GNPTG: variants seen among roughly 807,000 people sequenced by gnomAD.
GNPTG encodes the protein N-acetylglucosamine-1-phosphate transferase subunit gamma, also known as N-acetylglucosamine-1-phosphotransferase subunit gamma.
GNPTG carries 46 observed loss-of-function variants against 43.8 expected under a neutral mutation model. The observed-to-expected ratio is 1.05, with a 90% CI of 0.83 to 1.34. The LOEUF (loss-of-function observed/expected upper bound fraction) is 1.34. Among genes scored for constraint, GNPTG ranks in the 40% most tolerant of loss-of-function variants. The pLI, the probability that GNPTG is intolerant of heterozygous loss-of-function variation, is 0.00. For synonymous variants in GNPTG, 250 were observed against 172.8 expected (o/e 1.45, Z -3.50); for missense variants, 549 against 411.3 (o/e 1.33, Z -2.90).
chr16:1,362,918 G>T lies in GNPTG; in HGVS notation c.823+12G>T. 6.2e-7 allele frequency: 1 copy of T among 1,614,108 alleles called. No individual in the cohort carries two copies. Among genetic ancestry groups the T allele is most frequent in the South Asian group, 1.1e-5 (1 of 91,088 alleles). On this transcript the variant is annotated intron_variant, in intron 10 of 10. Coordinates refer to ENST00000204679, the MANE Select transcript of GNPTG (RefSeq NM_032520.5). Reference sequence around the variant, plus strand: ...CACGAGGCCCACAGGTGAGTCACCTGTGGGGAGAGGGCCAGGCTCACCATC... The same window carrying T: ...CACGAGGCCCACAGGTGAGTCACCTTTGGGGAGAGGGCCAGGCTCACCATC...
intron 3 of GNPTG, among the ~76,000 whole-genome samples, chr16:1,355,115 ATGGTC>A: frequency 6.7e-6 from 1 of 148,948 alleles, no homozygotes; most frequent in Non-Finnish European, 1.5e-5. Flanking sequence ...TCGGGTGTGG[ATGGTC>A]TCCCGCCTCT....
intron 3 of GNPTG, 123 bp downstream of exon 3, chr16:1,352,429 A>G: frequency 1.0e-6 from 1 of 972,714 alleles, no homozygotes; most frequent in Non-Finnish European, 1.6e-6. Context: ...TCAGCCTTCT[A>G]AAATTAATGT....
intron 3 of GNPTG, among the ~76,000 whole-genome samples, chr16:1,360,364 C>T (rs1346886539): frequency 6.6e-6 from 1 of 152,214 alleles, no homozygotes; most frequent in African/African-American, 2.4e-5. Context: ...GTGGCTCACA[C>T]CTGTAATCCC....
At position 1,362,641 on chromosome 16, in the gene GNPTG, G is replaced by C. The variant is rs748692260; in HGVS notation, c.640G>C (p.Glu214Gln). 1.9e-6 allele frequency: 3 copies of C among 1,614,032 alleles called. No homozygotes were observed. Among genetic ancestry groups the C allele is most frequent in the Non-Finnish European group, 2.5e-6 (3 of 1,180,036 alleles). The change falls in exon 9 of 11, where the codon GAG becomes CAG. Residue 214 changes from glutamate to glutamine, a missense_variant. Coordinates refer to ENST00000204679, the MANE Select transcript of GNPTG (RefSeq NM_032520.5). Reference protein sequence around the residue: ...GHEKLLRTLFEDAGYLKTPEE... With the variant: ...GHEKLLRTLFQDAGYLKTPEE... Reference sequence around the variant, plus strand: ...TGAGAAGTTGCTGAGGACACTTTTTGAGGATGCTGGCTACTTAAAGACCCC... The same window carrying C: ...TGAGAAGTTGCTGAGGACACTTTTTCAGGATGCTGGCTACTTAAAGACCCC...
At chr16:1,362,015 G>C in intron 5 of GNPTG, 23 bp from the exon 6 acceptor site, 1 of 1,612,848 alleles carries the variant, frequency 6.2e-7, no homozygotes, top group Non-Finnish European at 8.5e-7. Context: ...CCGGCCTCAC[G>C]TGCCGTGCCC....
At position 1,362,054 on chromosome 16, in the gene GNPTG, G is replaced by A. The variant is rs2034898668; in HGVS notation, c.334G>A (p.Glu112Lys). ...TCTCCCCAGCATCTGGCACGAGTGG[G>A]AGATCGCCAACAACACCTTCACGGG... ...SGILGIWHEWEIANNTFTGMW... is the reference protein window; with the variant it reads ...SGILGIWHEWKIANNTFTGMW... The change falls in exon 6 of 11, where the codon GAG becomes AAG. Residue 112 changes from glutamate (E) to lysine (K), a missense_variant. By Grantham distance (56) the Glu-to-Lys change is moderately conservative. Coordinates refer to ENST00000204679, the MANE Select transcript of GNPTG (RefSeq NM_032520.5). 1.2e-6 allele frequency: 2 copies of A among 1,612,598 alleles called. No individual in the cohort carries two copies. The highest frequency in any genetic ancestry group is 3.3e-5 in the Admixed American group (2 of 59,932).
rs961506819 is a variant in GNPTG, at chr16:1,355,100, C to T, written c.178+2794C>T. 5.1e-4 allele frequency among the ~76,000 whole-genome samples: 75 copies of T among 147,728 alleles called. 1 individual carries two copies. Among genetic ancestry groups the T allele is most frequent in the African/African-American group, 1.8e-3 (69 of 39,360 alleles). ...GGGTGTGGATGGTCTCCCGCGTCTGCGGGGTCGGGTGTGGATGGTCTCCCG... is the reference window on the plus strand; with the variant it reads ...GGGTGTGGATGGTCTCCCGCGTCTGTGGGGTCGGGTGTGGATGGTCTCCCG... On this transcript the variant is annotated intron_variant, in intron 3 of 10. Transcript: ENST00000204679.
At chr16:1,359,116 G>C (rs998281434) in intron 3 of GNPTG, 8 of 151,672 alleles carry the variant, frequency 5.3e-5, no homozygotes, top group East Asian at 2.0e-4. Flanking sequence ...TCGGCCTCCC[G>C]AAGTGCTGGG....
chr16:1,356,852 C>T (rs915401251), intron 3 of GNPTG, among the ~76,000 whole-genome samples: 3 of 148,110 alleles, frequency 2.0e-5, no homozygotes, highest in Admixed American at 6.7e-5. Flanking sequence ...ACCCTCCCAG[C>T]GGGAGTGTGA....
Position 1,352,540 on chromosome 16 carries a change from T to G in GNPTG, c.178+234T>G, listed in dbSNP as rs1042348525. On this transcript the variant is annotated intron_variant, in intron 3 of 10. Transcript: ENST00000204679. ...TCCGAGAGGTAACTGCTGTTAATAG[T>G]CTGGTGACTTTGCAGACGCGTTTCT... 8 of 567,028 alleles carry G rather than the reference T, an allele frequency of 1.4e-5. No individual in the cohort carries two copies. In the African/African-American group the frequency reaches 1.5e-4, roughly 11 times the overall value. The allele number at this position is 567,028 out of a possible 1,614,324, so 35.1% of individuals were successfully genotyped here.
rs1168592148 is a variant in GNPTG, at chr16:1,362,241, C to T, written c.447C>T (p.Ala149=). Residue 149 remains alanine (A), a synonymous_variant, in exon 7 of 11, where the codon GCC becomes GCT. Coordinates refer to ENST00000204679, the MANE Select transcript of GNPTG (RefSeq NM_032520.5). The part of the protein sequence containing the change: ...ELACGKSNRL[A]HVSEPSTCVY... Reference sequence around the variant, plus strand: ...CGTGTGGAAAAAGCAACCGGCTGGCCCATGTGTCCGAGCCGAGCACCTGCG... The same window carrying T: ...CGTGTGGAAAAAGCAACCGGCTGGCTCATGTGTCCGAGCCGAGCACCTGCG... 1 of 1,613,600 alleles carries T rather than the reference C, an allele frequency of 6.2e-7. No homozygotes were observed. The highest frequency in any genetic ancestry group is 1.1e-5 in the South Asian group (1 of 91,090).
intron 3 of GNPTG, among the ~76,000 whole-genome samples, chr16:1,359,860 A>G (rs1223217254): frequency 1.3e-5 from 2 of 152,138 alleles, no homozygotes; most frequent in African/African-American, 4.8e-5. Flanking sequence ...CTGTAATCCC[A>G]GTACTTTAGG....
At chr16:1,359,348 C>T (rs1202498122) in intron 3 of GNPTG, among the ~76,000 whole-genome samples, 3 of 151,452 alleles carry the variant, frequency 2.0e-5, no homozygotes, top group African/African-American at 7.3e-5. Context: ...CTCACGGCAA[C>T]CTCTCCACCT....
In GNPTG at chr16:1,361,924, T is replaced by C. The variant is rs1293958669; in HGVS notation, c.286T>C (p.Phe96Leu). ...FHNVTQHEQT[F>L]RWNAYSGILG... ...CAACGTGACCCAGCACGAGCAGACC[T>C]TCCGCTGGAACGCCTACAGTGGGAT... The change falls in exon 5 of 11, where the codon TTC (phenylalanine) becomes CTC (leucine). Residue 96 changes from phenylalanine (F) to leucine (L), a missense_variant. By Grantham distance (22) the Phe-to-Leu change is conservative (BLOSUM62 0). Transcript: ENST00000204679. 3 of 1,613,598 alleles carry C rather than the reference T, an allele frequency of 1.9e-6. No individual in the cohort carries two copies. The Admixed American group carries it at 5.0e-5, about 27-fold the overall frequency.
chr16:1,363,307 GTTAACT>G lies in GNPTG; in HGVS notation c.*221_*226del. On this transcript the variant is annotated 3_prime_UTR_variant, in exon 11 of 11. Coordinates refer to ENST00000204679, the MANE Select transcript of GNPTG (RefSeq NM_032520.5). Reference sequence around the variant, plus strand: ...ATAGTGTAAAAAAATTTAAACAAGTGTTAACTTTAAACAGTTCGCTACAAGTAAATG... The same window carrying G: ...ATAGTGTAAAAAAATTTAAACAAGTGTTAAACAGTTCGCTACAAGTAAATG... 1.7e-6 allele frequency: 1 copy of G among 575,746 alleles called. No individual in the cohort carries two copies. Among genetic ancestry groups the G allele is most frequent in the South Asian group, 1.9e-5 (1 of 51,638 alleles). The allele number at this position is 575,746 out of a possible 1,614,324, so 35.7% of individuals were successfully genotyped here. A position where few individuals can be genotyped will look rare whatever the true frequency, so the allele number is the denominator to read the frequency against.
rs1306116222 is a variant in GNPTG, at chr16:1,363,039, C to T, written c.866C>T (p.Ala289Val). 1.2e-6 allele frequency: 2 copies of T among 1,614,020 alleles called. No homozygotes were observed. The highest frequency in any genetic ancestry group is 1.3e-5 in the African/African-American group (1 of 75,018). Residue 289 changes from alanine to valine, a missense_variant, in exon 11 of 11, where the codon GCC becomes GTC. Physicochemically the swap from Ala to Val is moderately conservative, Grantham distance 64. Coordinates refer to ENST00000204679, the MANE Select transcript of GNPTG (RefSeq NM_032520.5). ...CACTTGGGCCACGAGACGCCCAGAG[C>T]CAAGTCTCCAGAGCAGCTGCGGGGT... ...LEHLGHETPR[A>V]KSPEQLRGDP...
intron 3 of GNPTG, among the ~76,000 whole-genome samples, chr16:1,356,822 A>G (rs1382746882): frequency 8.5e-5 from 13 of 152,278 alleles, no homozygotes; most frequent in African/African-American, 3.1e-4. Context: ...AGTTCCCAGG[A>G]CACAGGAGCT....
chr16:1,362,822 T>C lies in GNPTG; in HGVS notation c.742-3T>C, dbSNP rs199724765. ...TCCCTTGAACTCTTTTTGTGGTTGG[T>C]AGGCTCATAAAGAACTCTCAAAGGA... On this transcript the variant is annotated splice_polypyrimidine_tract_variant and splice_region_variant and intron_variant, in intron 9 of 10. Transcript: ENST00000204679. The C allele has an allele frequency of 3.7e-6, 6 of 1,613,988 alleles. No homozygotes were observed. In the Admixed American group the frequency reaches 1.0e-4, roughly 27 times the overall value.
At chr16:1,356,410 G>T (rs890631384) in intron 3 of GNPTG, among the ~76,000 whole-genome samples, 6 of 152,178 alleles carry the variant, frequency 3.9e-5, no homozygotes, top group Non-Finnish European at 7.4e-5. Flanking sequence ...TCCCGCTCAG[G>T]TATGGCTGTG....
Sources: allele counts gnomAD v4.1 joint callset (sites outside exome capture counted in the v4.1 genomes callset), GRCh38; gene constraint gnomAD v4.1.1; transcripts MANE v1.5; gene names NCBI Gene and HGNC (gene_info 2026-07-23, HGNC 2026-07-21).